Variants in PTPRD observed in about 807,000 individuals in gnomAD.
The protein encoded by PTPRD is protein tyrosine phosphatase receptor type D, also known as receptor-type tyrosine-protein phosphatase delta.
In PTPRD, 34 loss-of-function variants were observed where a neutral mutation model predicts 214.5. The ratio of observed to expected loss-of-function variants is 0.16; its 90% CI spans 0.12 to 0.21. The LOEUF (loss-of-function observed/expected upper bound fraction) is 0.21, where lower values mean the gene tolerates loss of function less well. Among genes scored for constraint, PTPRD ranks in the 10% least tolerant of loss-of-function variants. PTPRD has a pLI of 1.00. For missense variants in PTPRD, 2,545 were observed against 2,398.7 expected, an observed-to-expected ratio of 1.06 and a Z score of -1.27; for synonymous variants, 1,128 against 845.7, an observed-to-expected ratio of 1.33 and a Z score of -5.79.
chr9:9,261,043 T>A (rs1165016734), intron 9 of PTPRD, among the ~76,000 whole-genome samples: 1 of 151,868 alleles, frequency 6.6e-6, no homozygotes, highest in African/African-American at 2.4e-5. Flanking sequence ...GCAAGAGAGT[T>A]GATTAATAGG....
At chr9:10,212,791 G>C (rs7858382) in intron 3 of PTPRD, among the ~76,000 whole-genome samples, 2,294 of 152,206 alleles carry the variant, frequency 0.015, 63 homozygotes, top group African/African-American at 0.052. Flanking sequence ...AGTCCTACAA[G>C]GTTTCACCCA....
intron 10 of PTPRD, among the ~76,000 whole-genome samples, chr9:9,165,437 GAAGACAT>G (rs2099901209): frequency 6.6e-6 from 1 of 152,170 alleles, no homozygotes; most frequent in African/African-American, 2.4e-5. Context: ...GAAGGTAGGT[GAAGACAT>G]AATTAGAGCG....
intron 7 of PTPRD, among the ~76,000 whole-genome samples, chr9:9,600,471 A>G (rs898356262): frequency 8.5e-5 from 13 of 152,100 alleles, no homozygotes; most frequent in Non-Finnish European, 1.6e-4. Context: ...TCGAGAATCA[A>G]CATTCTAGTC....
At chr9:8,929,588 T>C (rs1221349167) in intron 11 of PTPRD, among the ~76,000 whole-genome samples, 1 of 151,698 alleles carries the variant, frequency 6.6e-6, no homozygotes, top group Non-Finnish European at 1.5e-5. Flanking sequence ...GGATTCGGTT[T>C]GCCAGTATTT....
intron 3 of PTPRD, among the ~76,000 whole-genome samples, chr9:10,183,075 T>C (rs945960164): frequency 2.6e-5 from 4 of 152,174 alleles, no homozygotes; most frequent in Admixed American, 2.0e-4. Context: ...AATAATGCTA[T>C]TTTCTTGTTA....
At chr9:10,104,640 C>T (rs1302009126) in intron 3 of PTPRD, among the ~76,000 whole-genome samples, 1 of 151,740 alleles carries the variant, frequency 6.6e-6, no homozygotes, top group African/African-American at 2.4e-5. Flanking sequence ...CTCAGGTATG[C>T]TATTTAAAAG....
intron 2 of PTPRD, among the ~76,000 whole-genome samples, chr9:10,360,332 C>A (rs1457489877): frequency 6.6e-6 from 1 of 152,218 alleles, no homozygotes; most frequent in African/African-American, 2.4e-5. Flanking sequence ...CATCACAAAA[C>A]TCATCACAAT....
chr9:8,915,632 C>A (rs1182799553), intron 11 of PTPRD, among the ~76,000 whole-genome samples: 1 of 152,100 alleles, frequency 6.6e-6, no homozygotes, highest in Non-Finnish European at 1.5e-5. Context: ...GCAGCTGTAG[C>A]CTGAATGTCA....
chr9:8,847,090 T>G (rs936243812), intron 11 of PTPRD, among the ~76,000 whole-genome samples: 9 of 152,178 alleles, frequency 5.9e-5, no homozygotes, highest in Admixed American at 1.3e-4. Context: ...TATTTTGGTA[T>G]CCTCGATATA....
At chr9:9,904,790 CATAAAAGACA>C (rs1330298066) in intron 5 of PTPRD, among the ~76,000 whole-genome samples, 1 of 151,932 alleles carries the variant, frequency 6.6e-6, no homozygotes, top group Non-Finnish European at 1.5e-5. Flanking sequence ...AAATAGATGA[CATAAAAGACA>C]TTCACCGAAG....
intron 11 of PTPRD, among the ~76,000 whole-genome samples, chr9:8,830,873 T>A (rs1376165834): frequency 6.6e-6 from 1 of 152,168 alleles, no homozygotes; most frequent in South Asian, 2.1e-4. Context: ...TTTCTAACAA[T>A]TCTCTTCAAT....
intron 11 of PTPRD, among the ~76,000 whole-genome samples, chr9:8,817,592 C>T (rs929349891): frequency 6.6e-6 from 1 of 152,102 alleles, no homozygotes. Context: ...GATCACACCA[C>T]TGTCCTCCAC....
chr9:8,576,651 T>C (rs199887731), intron 14 of PTPRD, among the ~76,000 whole-genome samples: 1 of 94,832 alleles, frequency 1.1e-5, no homozygotes, highest in Non-Finnish European at 2.2e-5. Context: ...AAAAAAAAAA[T>C]CCATATTTGC....
At chr9:9,331,055 C>G (rs144904966) in intron 9 of PTPRD, among the ~76,000 whole-genome samples, 1 of 152,016 alleles carries the variant, frequency 6.6e-6, no homozygotes, top group Non-Finnish European at 1.5e-5. Flanking sequence ...AGATAAGAGT[C>G]TAAGCAAACA....
At chr9:10,553,682 T>G (rs1028240461) in intron 2 of PTPRD, among the ~76,000 whole-genome samples, 4 of 152,162 alleles carry the variant, frequency 2.6e-5, no homozygotes, top group African/African-American at 9.7e-5. Context: ...ATCCAATTCA[T>G]TTTAAGAACT....
chr9:8,418,419 G>C (rs2094112337), intron 35 of PTPRD, among the ~76,000 whole-genome samples: 1 of 151,964 alleles, frequency 6.6e-6, no homozygotes, highest in Non-Finnish European at 1.5e-5. Context: ...AAAGTTGTTT[G>C]AATTCATTAC....
intron 9 of PTPRD, among the ~76,000 whole-genome samples, chr9:9,185,745 G>C (rs998605063): frequency 6.6e-6 from 1 of 151,974 alleles, no homozygotes; most frequent in Middle Eastern, 3.2e-3. Context: ...TAATAAATTT[G>C]TAGTTCACTC....
chr9:8,465,671 AGCAGCTT>A lies in PTPRD; in HGVS notation c.3505-3_3508del, dbSNP rs1226417171. 1 of 1,606,296 alleles carries A rather than the reference AGCAGCTT, an allele frequency of 6.2e-7. No homozygotes were observed. The highest frequency in any genetic ancestry group is 1.7e-5 in the Admixed American group (1 of 58,514). The stretch of plus-strand genomic sequence containing the variant: ...TCTGCGCTTCCTAGATATCTCCTTA[AGCAGCTT>A]AAGGAAAAAAGTGGGAAACAGAAAA... On this transcript the variant is annotated splice_acceptor_variant and splice_polypyrimidine_tract_variant and coding_sequence_variant and intron_variant, in exon 32 of 46. Transcript: ENST00000381196. LOFTEE classifies it high-confidence loss of function.
At chr9:9,333,464 A>T (rs991715740) in intron 9 of PTPRD, among the ~76,000 whole-genome samples, 1 of 139,980 alleles carries the variant, frequency 7.1e-6, no homozygotes, top group Admixed American at 7.4e-5. Context: ...GGAAACAATG[A>T]TATATAAATA....
Sources: allele counts gnomAD v4.1 joint callset (sites outside exome capture counted in the v4.1 genomes callset), GRCh38; gene constraint gnomAD v4.1.1; transcripts MANE v1.5; gene names NCBI Gene and HGNC (gene_info 2026-07-23, HGNC 2026-07-21).